DNAAF8: variants seen among roughly 807,000 people sequenced by gnomAD.
The protein encoded by DNAAF8 is dynein axonemal-associated protein 1.
A neutral mutation model predicts 54.6 loss-of-function variants in DNAAF8; 61 were observed. The ratio of observed to expected loss-of-function variants is 1.12; its 90% CI spans 0.91 to 1.38. The LOEUF (loss-of-function observed/expected upper bound fraction) is 1.38. Among genes scored for constraint, DNAAF8 ranks in the 40% most tolerant of loss-of-function variants. The probability of loss-of-function intolerance (pLI) is 0.00; values close to 1 mark genes in which losing one functional copy is unlikely to be tolerated. For missense variants in DNAAF8, 837 were observed against 665.0 expected (o/e 1.26, Z -2.85); for synonymous variants, 320 against 270.1 (o/e 1.18, Z -1.81).
rs373989418 is a variant in DNAAF8 at position 4,736,492 on chromosome 16, G to A, written c.-23G>A. 129 of 1,521,714 alleles carry A rather than the reference G, an allele frequency of 8.5e-5. No homozygotes were observed. Among genetic ancestry groups the A allele is most frequent in the Non-Finnish European group, 1.1e-4 (128 of 1,124,840 alleles). The allele number at this position is 1,521,714 out of a possible 1,614,324, so 94.3% of individuals were successfully genotyped here. ...TCCCCGGATTATGGTGCACTGAGAA[G>A]GCATCTGGAAGCCTGGGCCCTCATG... is the stretch of plus-strand genomic sequence containing the variant. On this transcript the variant is annotated 5_prime_UTR_variant, in exon 2 of 10. Transcript: ENST00000299320.
At chr16:4,746,902 C>A in intron 7 of DNAAF8, 25 bp from the exon 8 acceptor site, 1 of 1,525,842 alleles carries the variant, frequency 6.6e-7, no homozygotes, top group South Asian at 1.2e-5. Context: ...TGGGCACATC[C>A]AGAAACCCAT....
At chr16:4,743,900 G>A (rs1289658260) in intron 5 of DNAAF8, 2 of 151,696 alleles carry the variant, frequency 1.3e-5, no homozygotes, top group East Asian at 1.9e-4. Flanking sequence ...CCTTTGTGGA[G>A]GGGAGTAGGG....
At chr16:4,746,642 G>A in intron 7 of DNAAF8, 130 bp downstream of exon 7, 2 of 1,268,976 alleles carry the variant, frequency 1.6e-6, no homozygotes, top group Non-Finnish European at 2.1e-6. Flanking sequence ...ATTCTCAATT[G>A]AAAAGTGCTG....
intron 4 of DNAAF8, among the ~76,000 whole-genome samples, chr16:4,741,570 CA>C (rs2081961611): frequency 6.6e-6 from 1 of 152,122 alleles, no homozygotes; most frequent in African/African-American, 2.4e-5. Flanking sequence ...GAAGCCAAGG[CA>C]GGAGGAAAAT....
chr16:4,740,286 T>A lies in DNAAF8; in HGVS notation c.410T>A (p.Leu137His), dbSNP rs2081945337. 1 of 1,613,988 alleles carries A rather than the reference T, an allele frequency of 6.2e-7. No individual in the cohort carries two copies. Among genetic ancestry groups the A allele is most frequent in the East Asian group, 2.2e-5 (1 of 44,854 alleles). The change falls in exon 4 of 10, where the codon CTT becomes CAT. Residue 137 changes from leucine (L) to histidine (H), a missense_variant. Coordinates refer to ENST00000299320, the MANE Select transcript of DNAAF8 (RefSeq NM_139170.3). ...FESSGEVSAL[L>H]GMAEEPPRWL... ...AGCTCTGGTGAGGTCAGCGCTCTTC[T>A]TGGGATGGCCGAGGAGCCCCCCAGG...
At chr16:4,737,748 C>A (rs997217793) in intron 2 of DNAAF8, 52 bp from the exon 3 acceptor site, 19 of 1,601,512 alleles carry the variant, frequency 1.2e-5, no homozygotes, top group Non-Finnish European at 7.7e-6. Flanking sequence ...GCTAGGCCCT[C>A]AGGGCTCTGC....
At position 4,737,985 on chromosome 16, in the gene DNAAF8, C is replaced by T. The variant is rs763561255; in HGVS notation, c.276+39C>T. On this transcript the variant is annotated intron_variant, in intron 3 of 9. Transcript: ENST00000299320. ...AGAAGAGTATACGCCTGTGTGTGTG[C>T]GATGTTAGTCTAAACTGACTGGTCT... 2.5e-6 allele frequency: 4 copies of T among 1,597,520 alleles called. No individual in the cohort carries two copies. In the African/African-American group the frequency reaches 4.0e-5, roughly 16 times the overall value.
At chr16:4,741,387 T>G (rs2081959983) in intron 4 of DNAAF8, among the ~76,000 whole-genome samples, 1 of 152,164 alleles carries the variant, frequency 6.6e-6, no homozygotes, top group East Asian at 1.9e-4. Flanking sequence ...CAAAGCCTGA[T>G]CTCAAAATAT....
Position 4,746,407 on chromosome 16 carries a change from G to A in DNAAF8, c.1076G>A (p.Gly359Glu). The A allele has an allele frequency of 6.2e-7, 1 of 1,613,310 alleles. No individual in the cohort carries two copies. The highest frequency in any genetic ancestry group is 8.5e-7 in the Non-Finnish European group (1 of 1,179,690). The change falls in exon 7 of 10, where the codon GGG (glycine) becomes GAG (glutamate). Residue 359 changes from glycine (G) to glutamate (E), a missense_variant. Coordinates refer to ENST00000299320, the MANE Select transcript of DNAAF8 (RefSeq NM_139170.3). ...CASRKQGSQAGPGPQLAQGMR... is the reference protein window; with the variant it reads ...CASRKQGSQAEPGPQLAQGMR... ...TCAAGGAAGCAGGGCTCCCAGGCTG[G>A]GCCAGGCCCGCAGCTGGCCCAGGGC...
At chr16:4,746,586 G>A (rs2082020230) in intron 7 of DNAAF8, 74 bp downstream of exon 7, 4 of 1,501,860 alleles carry the variant, frequency 2.7e-6, no homozygotes, top group Non-Finnish European at 3.6e-6. Flanking sequence ...AGAGCCTCTG[G>A]TGGATCCTGA....
chr16:4,737,658 C>T, intron 2 of DNAAF8, 142 bp from the exon 3 acceptor site: 1 of 1,075,298 alleles, frequency 9.3e-7, no homozygotes, highest in East Asian at 2.4e-5. Flanking sequence ...CCCCAGGCTC[C>T]TGAGCAGCAG....
intron 2 of DNAAF8, among the ~76,000 whole-genome samples, chr16:4,737,274 C>G (rs891725272): frequency 5.3e-5 from 8 of 152,152 alleles, no homozygotes; most frequent in Non-Finnish European, 5.9e-5. Context: ...CTTCAGGGAC[C>G]TCAGACGTCA....
At chr16:4,746,537 T>C in intron 7 of DNAAF8, 25 bp downstream of exon 7, 2 of 1,602,224 alleles carry the variant, frequency 1.2e-6, no homozygotes, top group Non-Finnish European at 1.7e-6. Context: ...GACTACCCCA[T>C]ACCAGCCTCT....
chr16:4,739,302 T>C (rs2081934356), intron 3 of DNAAF8, among the ~76,000 whole-genome samples: 1 of 137,884 alleles, frequency 7.3e-6, no homozygotes. Flanking sequence ...GTGGGATCTC[T>C]ACTAAAAAAT....
In DNAAF8 at chr16:4,746,651, T is replaced by C. The variant is rs531562241; in HGVS notation, c.1181+139T>C. ...GGATCAATTCTCAATTGAAAAGTGC[T>C]GGCCTACAGTCCCCCTGGGTCCCTG... On this transcript the variant is annotated intron_variant, in intron 7 of 9. Transcript: ENST00000299320. The C allele has an allele frequency of 6.2e-4, 739 of 1,199,282 alleles. 10 individuals carry two copies. In the South Asian group the frequency reaches 0.011, roughly 18 times the overall value. The allele number at this position is 1,199,282 out of a possible 1,614,324, so 74.3% of individuals were successfully genotyped here.
At chr16:4,746,759 A>G (rs1596488151) in intron 7 of DNAAF8, 168 bp from the exon 8 acceptor site, 3 of 758,938 alleles carry the variant, frequency 4.0e-6, no homozygotes, top group African/African-American at 1.8e-5. Flanking sequence ...GCTGGAGGGC[A>G]TCACCCACAC....
chr16:4,737,740 T>A, intron 2 of DNAAF8, 60 bp from the exon 3 acceptor site: 1 of 1,584,788 alleles, frequency 6.3e-7, no homozygotes, highest in Non-Finnish European at 8.6e-7. Context: ...CGGGGGTGGC[T>A]AGGCCCTCAG....
Position 4,748,982 on chromosome 16 carries a change from T to TG in DNAAF8, c.*268dup, listed in dbSNP as rs2071652399. On this transcript the variant is annotated 3_prime_UTR_variant, in exon 10 of 10. Transcript: ENST00000299320. ...CGCCAAGATCAGGGCTACAGATGTC[T>TG]GCTCTCTGGACCCCACGTGATCTGG... The TG allele has an allele frequency of 6.6e-6, 1 of 152,306 alleles. No homozygotes were observed. The highest frequency in any genetic ancestry group is 2.1e-4 in the South Asian group (1 of 4,838). 9.4% of individuals were successfully genotyped at this position (152,306 alleles called of 1,614,324 possible). A position where few individuals can be genotyped will look rare whatever the true frequency, so the allele number is the denominator to read the frequency against.
chr16:4,746,663 CCCCTGGGT>C, intron 7 of DNAAF8, 151 bp downstream of exon 7: 1 of 1,120,766 alleles, frequency 8.9e-7, no homozygotes, highest in Non-Finnish European at 1.2e-6. Context: ...GCCTACAGTC[CCCCTGGGT>C]CCCTGCAGGG....
Sources: allele counts gnomAD v4.1 joint callset (sites outside exome capture counted in the v4.1 genomes callset), GRCh38; gene constraint gnomAD v4.1.1; transcripts MANE v1.5; gene names NCBI Gene and HGNC (gene_info 2026-07-23, HGNC 2026-07-21).